Variants in TAF11 observed in about 807,000 individuals in gnomAD.
The protein encoded by TAF11 is transcription initiation factor TFIID subunit 11.
A neutral mutation model predicts 23.0 loss-of-function variants in TAF11; 10 were observed. The ratio of observed to expected loss-of-function variants is 0.43; its 90% confidence interval spans 0.27 to 0.74. The LOEUF (loss-of-function observed/expected upper bound fraction) is 0.74. Among genes scored for constraint, TAF11 ranks in the 30% least tolerant of loss-of-function variants. TAF11 has a pLI of 0.19. For missense variants in TAF11, 196 were observed against 261.7 expected, an observed-to-expected ratio of 0.75 and a Z score of 1.73; for synonymous variants, 85 against 95.8, an observed-to-expected ratio of 0.89 and a Z score of 0.66.
In TAF11 at chr6:34,883,031, G is replaced by A; in HGVS notation, c.221C>T (p.Ser74Leu). The change falls in exon 2 of 5, where the codon TCA becomes TTA. Residue 74 changes from serine to leucine, a missense_variant. By Grantham distance (145) the Ser-to-Leu change is moderately radical. Transcript: ENST00000361288. ...TTTGGCTGCAGGATTAAGTAATGAT[G>A]AGTCTTCCCTTTCAACTGTTGTTAA... The part of the protein sequence containing the change: ...SDLTTVERED[S>L]SLLNPAAKKL... 1 of 1,611,404 alleles carries A rather than the reference G, an allele frequency of 6.2e-7. No individual in the cohort carries two copies. The highest frequency in any genetic ancestry group is 8.5e-7 in the Non-Finnish European group (1 of 1,179,282).
At chr6:34,883,770 C>T (rs1320656013) in intron 1 of TAF11, among the ~76,000 whole-genome samples, 1 of 152,114 alleles carries the variant, frequency 6.6e-6, no homozygotes. Flanking sequence ...TAGGCAAAGA[C>T]ACTTCTCAAA....
At position 34,878,370 on chromosome 6, in the gene TAF11, T is replaced by G; in HGVS notation, c.*220A>C. 1.9e-6 allele frequency: 1 copy of G among 531,582 alleles called. No homozygotes were observed. The highest frequency in any genetic ancestry group is 3.0e-5 in the Admixed American group (1 of 32,938). The allele number at this position is 531,582 out of a possible 1,614,324, so 32.9% of individuals were successfully genotyped here. On this transcript the variant is annotated 3_prime_UTR_variant, in exon 5 of 5. Coordinates refer to ENST00000361288, the MANE Select transcript of TAF11 (RefSeq NM_005643.4). ...CAACTGGTCAAGACAGTTAAATACTTCAAAATGCCCCAAGAGGTCCCAAAA... is the reference window on the plus strand; with the variant it reads ...CAACTGGTCAAGACAGTTAAATACTGCAAAATGCCCCAAGAGGTCCCAAAA...
intron 2 of TAF11, among the ~76,000 whole-genome samples, chr6:34,882,510 G>A (rs917267562): frequency 1.8e-4 from 27 of 151,474 alleles, no homozygotes; most frequent in African/African-American, 4.1e-4. Flanking sequence ...TGGGCATGGC[G>A]GTGCATGCCT....
intron 2 of TAF11, 57 bp downstream of exon 2, chr6:34,882,875 A>C (rs1766464489): frequency 1.3e-6 from 2 of 1,511,112 alleles, no homozygotes; most frequent in Admixed American, 4.8e-5. Flanking sequence ...AAAATTTATT[A>C]AATTTGTGTG....
At chr6:34,882,281 T>C (rs1342183770) in intron 2 of TAF11, among the ~76,000 whole-genome samples, 5 of 149,994 alleles carry the variant, frequency 3.3e-5, no homozygotes, top group Admixed American at 1.3e-4. Context: ...GAGGTTGCAG[T>C]GAGCAGAGAT....
intron 1 of TAF11, among the ~76,000 whole-genome samples, chr6:34,886,020 G>T (rs7769746): frequency 6.6e-6 from 1 of 151,960 alleles, no homozygotes; most frequent in African/African-American, 2.4e-5. Flanking sequence ...CCCAGCTACT[G>T]GGGAGGCTGA....
At chr6:34,883,343 G>A (rs1042243413) in intron 1 of TAF11, among the ~76,000 whole-genome samples, 1 of 150,414 alleles carries the variant, frequency 6.6e-6, no homozygotes, top group Non-Finnish European at 1.5e-5. Context: ...GTTTACAAGG[G>A]TAATGAAATG....
Position 34,880,229 on chromosome 6 carries a change from A to G in TAF11, c.408+60T>C, listed in dbSNP as rs1344597712. On this transcript the variant is annotated intron_variant, in intron 3 of 4. Transcript: ENST00000361288. The surrounding 1 kb of genome is among the most constrained non-coding windows in gnomAD (Gnocchi z 4.8). Reference sequence around the variant, plus strand: ...CACCTCACTTCAAATGCCAATGGACATGGCTCTTGAGTTCAGTTCTAAAAC... The same window carrying G: ...CACCTCACTTCAAATGCCAATGGACGTGGCTCTTGAGTTCAGTTCTAAAAC... 2.5e-6 allele frequency: 4 copies of G among 1,581,294 alleles called. No individual in the cohort carries two copies. The highest frequency in any genetic ancestry group is 3.5e-6 in the Non-Finnish European group (4 of 1,152,172).
intron 4 of TAF11, chr6:34,879,651 T>C (rs1014136124): frequency 3.0e-6 from 3 of 985,278 alleles, no homozygotes; most frequent in Non-Finnish European, 3.6e-6. Context: ...ACCCCTGTGA[T>C]TGCTTTTCTT....
rs767665308 is a variant in TAF11 at position 34,887,871 on chromosome 6, C to G, written c.87G>C (p.Gly29=). 19 of 1,614,092 alleles carry G rather than the reference C, an allele frequency of 1.2e-5. No individual in the cohort carries two copies. In the South Asian group the frequency reaches 2.1e-4, roughly 18 times the overall value. The change falls in exon 1 of 5, where the codon GGG becomes GGC. Residue 29 remains glycine, a synonymous_variant. Coordinates refer to ENST00000361288, the MANE Select transcript of TAF11 (RefSeq NM_005643.4). ...DETAAVPGDP[G]ATDTDGIPEE... is the part of the protein sequence containing the mutation. ...CTGGGATTCCATCGGTGTCGGTAGC[C>G]CCCGGGTCCCCGGGCACAGCGGCCG...
chr6:34,882,470 C>T (rs1305515991), intron 2 of TAF11, among the ~76,000 whole-genome samples: 1 of 151,480 alleles, frequency 6.6e-6, no homozygotes, highest in Non-Finnish European at 1.5e-5. Context: ...ATAGTGAAAC[C>T]CTGTCTCTAC....
intron 2 of TAF11, among the ~76,000 whole-genome samples, chr6:34,882,497 A>G (rs1288412153): frequency 6.6e-6 from 1 of 151,782 alleles, no homozygotes; most frequent in Non-Finnish European, 1.5e-5. Context: ...TACAAAAATT[A>G]GCTGGGCATG....
chr6:34,887,856 A>T lies in TAF11; in HGVS notation c.102T>A (p.Asp34Glu), dbSNP rs1205196824. The T allele has an allele frequency of 6.2e-7, 1 of 1,614,012 alleles. No homozygotes were observed. The highest frequency in any genetic ancestry group is 8.5e-7 in the Non-Finnish European group (1 of 1,179,996). ...VPGDPGATDTDGIPEETDGDA... is the reference protein window; with the variant it reads ...VPGDPGATDTEGIPEETDGDA... The stretch of plus-strand genomic sequence containing the variant: ...CTCCGTCAGTTTCCTCTGGGATTCC[A>T]TCGGTGTCGGTAGCCCCCGGGTCCC... The change falls in exon 1 of 5, where the codon GAT becomes GAA. Residue 34 changes from aspartate (D) to glutamate (E), a missense_variant. Physicochemically the swap from Asp to Glu is conservative, Grantham distance 45 (BLOSUM62 2). Transcript: ENST00000361288.
rs771060082 is a variant in TAF11, at chr6:34,887,928, G to C, written c.30C>G (p.Asp10Glu). The C allele has an allele frequency of 6.8e-6, 11 of 1,614,060 alleles. No homozygotes were observed. The South Asian group carries it at 1.1e-4, about 16-fold the overall frequency. The stretch of plus-strand genomic sequence containing the variant: ...CCGACTCCCCTGTCTCTCCACCTTT[G>C]TCGGAGGGCGACTCGTGGGCATCGT... MDDAHESPS[D>E]KGGETGESDE... The change falls in exon 1 of 5, where the codon GAC (aspartate) becomes GAG (glutamate). Residue 10 changes from aspartate to glutamate, a missense_variant. By Grantham distance (45) the Asp-to-Glu change is conservative. Transcript: ENST00000361288.
At chr6:34,883,218 A>G in intron 1 of TAF11, 138 bp from the exon 2 acceptor site, 1 of 792,182 alleles carries the variant, frequency 1.3e-6, no homozygotes, top group East Asian at 2.8e-5. Context: ...TGACTGTACC[A>G]TCAAGGATAA....
chr6:34,887,429 C>A (rs1418763099), intron 1 of TAF11, among the ~76,000 whole-genome samples: 1 of 152,076 alleles, frequency 6.6e-6, no homozygotes, highest in Non-Finnish European at 1.5e-5. Flanking sequence ...AACCATATTG[C>A]GGTGAAAGGG....
chr6:34,882,754 C>T (rs1256432646), intron 2 of TAF11, among the ~76,000 whole-genome samples, 178 bp downstream of exon 2: 7 of 152,142 alleles, frequency 4.6e-5, no homozygotes, highest in Admixed American at 4.6e-4. Context: ...ATCCTCCCAC[C>T]TTGGCCTTCT....
chr6:34,886,603 T>C (rs1406554656), intron 1 of TAF11, among the ~76,000 whole-genome samples: 1 of 151,818 alleles, frequency 6.6e-6, no homozygotes, highest in Non-Finnish European at 1.5e-5. Context: ...GTAGCCGGGA[T>C]TACAGGCGCC....
At position 34,887,775 on chromosome 6, in the gene TAF11, A is replaced by G. The variant is rs756394378; in HGVS notation, c.171+12T>C. On this transcript the variant is annotated intron_variant, in intron 1 of 4. Coordinates refer to ENST00000361288, the MANE Select transcript of TAF11 (RefSeq NM_005643.4). ...GGTATTCCTTCAGCCTCATCAGTAC[A>G]TCTCTTCCTACCTCGCCTTCCTCCG... 2 of 1,613,966 alleles carry G rather than the reference A, an allele frequency of 1.2e-6. No homozygotes were observed. Among genetic ancestry groups the G allele is most frequent in the African/African-American group, 1.3e-5 (1 of 74,912 alleles).
Sources: gnomAD v4.1 joint callset for allele counts (sites outside exome capture counted in the v4.1 genomes callset) on GRCh38, gnomAD v4.1.1 for gene constraint, Gnocchi (gnomAD v3.1) non-coding constraint, MANE v1.5 for transcripts, NCBI Gene and HGNC (gene_info 2026-07-23, HGNC 2026-07-21) for gene names.